Variants in DENND2B observed in about 807,000 individuals in gnomAD.
DENND2B encodes the protein DENN domain containing 2B, also known as DENN domain-containing protein 2B.
A neutral mutation model predicts 116.0 loss-of-function variants in DENND2B; 32 were observed. The ratio of observed to expected loss-of-function variants is 0.28; its 90% CI spans 0.21 to 0.37. DENND2B has a LOEUF of 0.37. Among genes scored for constraint, DENND2B ranks in the 10% least tolerant of loss-of-function variants. The pLI is 1.00. For synonymous variants in DENND2B, 588 were observed against 583.9 expected, an observed-to-expected ratio of 1.01 and a Z score of -0.10; for missense variants, 1,276 against 1,477.7, an observed-to-expected ratio of 0.86 and a Z score of 2.24.
intron 1 of DENND2B, among the ~76,000 whole-genome samples, chr11:8,773,402 T>C (rs1346815159): frequency 2.6e-5 from 4 of 152,180 alleles, no homozygotes; most frequent in Non-Finnish European, 5.9e-5. Context: ...GGGAGGGCTC[T>C]GGCTCCATGC....
intron 1 of DENND2B, among the ~76,000 whole-genome samples, chr11:8,799,557 T>TTC (rs2060130429): frequency 7.5e-6 from 1 of 133,928 alleles, no homozygotes; most frequent in Admixed American, 9.3e-5. Flanking sequence ...ATCCTCCTTT[T>TTC]TCTCTTTTTT....
intron 4 of DENND2B, among the ~76,000 whole-genome samples, chr11:8,826,740 A>C (rs1472443420): frequency 6.6e-6 from 1 of 152,226 alleles, no homozygotes; most frequent in Non-Finnish European, 1.5e-5. Flanking sequence ...AGAAGTTCCT[A>C]ATCTATGCAA....
chr11:8,779,523 T>C (rs2058140205), intron 1 of DENND2B, among the ~76,000 whole-genome samples: 1 of 150,642 alleles, frequency 6.6e-6, no homozygotes, highest in Admixed American at 6.6e-5. Flanking sequence ...TCTTTTTTTT[T>C]TTTTTTGAGA....
At chr11:8,857,386 TTCC>T (rs1190439182) in exon 3 of DENND2B, 2 of 152,208 alleles carry the variant, frequency 1.3e-5, no homozygotes, top group Non-Finnish European at 2.9e-5. Context: ...AGCTTCTAGT[TTCC>T]TCCTCAATTC....
intron 2 of DENND2B, chr11:8,880,943 T>A (rs1448227701): frequency 6.6e-6 from 1 of 152,100 alleles, no homozygotes; most frequent in Admixed American, 6.6e-5. Context: ...TCCAAATGTA[T>A]CTTCATTCCC....
At chr11:8,886,251 A>T (rs1458513632) in intron 1 of DENND2B, among the ~76,000 whole-genome samples, 1 of 152,174 alleles carries the variant, frequency 6.6e-6, no homozygotes, top group Non-Finnish European at 1.5e-5. Flanking sequence ...TATTCTTCTG[A>T]GTACATCTTA....
chr11:8,702,520 G>C lies in DENND2B; in HGVS notation c.2720+52C>G. ...CTCCTGAACACTTGCTGATTCGCTT[G>C]TGGGTGTGCCTTCCCCCCTCCCTTC... is the stretch of plus-strand genomic sequence containing the variant. On this transcript the variant is annotated intron_variant, in intron 14 of 19. Coordinates refer to ENST00000313726, the MANE Select transcript of DENND2B (RefSeq NM_213618.2). The surrounding 1 kb of genome is among the most constrained non-coding windows in gnomAD (Gnocchi z 4.6). The C allele has an allele frequency of 6.2e-7, 1 of 1,603,396 alleles. No homozygotes were observed. The highest frequency in any genetic ancestry group is 8.5e-7 in the Non-Finnish European group (1 of 1,179,390).
At chr11:8,760,323 C>G (rs2054378120) in intron 1 of DENND2B, among the ~76,000 whole-genome samples, 1 of 152,150 alleles carries the variant, frequency 6.6e-6, no homozygotes, top group Non-Finnish European at 1.5e-5. Flanking sequence ...CTTGTAAGTA[C>G]CCAAACCAAG....
intron 1 of DENND2B, among the ~76,000 whole-genome samples, chr11:8,758,743 G>T (rs574945413): frequency 1.3e-5 from 2 of 152,198 alleles, no homozygotes; most frequent in African/African-American, 4.8e-5. Context: ...TAGATGCCGC[G>T]GCTCCCTCCA....
rs2047830749 is a variant in DENND2B, at chr11:8,730,000, G to T, written c.1290C>A (p.Val430=). 1 of 1,614,078 alleles carries T rather than the reference G, an allele frequency of 6.2e-7. No homozygotes were observed. The highest frequency in any genetic ancestry group is 8.5e-7 in the Non-Finnish European group (1 of 1,180,044). The change falls in exon 3 of 20, where the codon GTC becomes GTA. Residue 430 remains valine (V), a synonymous_variant. Coordinates refer to ENST00000313726, the MANE Select transcript of DENND2B (RefSeq NM_213618.2). ...PPLPSTPAPP[V]TRRPKKDMRG... is the part of the protein sequence containing the mutation. ...GCATGTCCTTCTTGGGTCTCCGGGT[G>T]ACTGGCGGGGCTGGGGTGGAGGGCA...
chr11:8,729,935 AG>A lies in DENND2B; in HGVS notation c.1340+14del, dbSNP rs776334445. On this transcript the variant is annotated intron_variant, in intron 3 of 19. Coordinates refer to ENST00000313726, the MANE Select transcript of DENND2B (RefSeq NM_213618.2). ...ACGGTATTCAGCTACAACACACCGG[AG>A]GGGCATGCATTACCTGCTCTGGGAC... 1.3e-5 allele frequency: 21 copies of A among 1,612,722 alleles called. No homozygotes were observed. The South Asian group carries it at 2.2e-4, about 17-fold the overall frequency.
chr11:8,891,596 C>G (rs2064033909), intron 1 of DENND2B, among the ~76,000 whole-genome samples: 1 of 152,070 alleles, frequency 6.6e-6, no homozygotes, highest in African/African-American at 2.4e-5. Flanking sequence ...CAATCCTAGT[C>G]TCTGATAAAA....
At chr11:8,866,546 T>C (rs1485685100) in intron 2 of DENND2B, among the ~76,000 whole-genome samples, 3 of 152,170 alleles carry the variant, frequency 2.0e-5, no homozygotes, top group Non-Finnish European at 4.4e-5. Flanking sequence ...CCACATAACC[T>C]ATAACCAGAG....
intron 1 of DENND2B, among the ~76,000 whole-genome samples, chr11:8,908,212 CA>C (rs1385975916): frequency 1.3e-5 from 2 of 152,050 alleles, no homozygotes; most frequent in Non-Finnish European, 2.9e-5. Flanking sequence ...AAAGTACACA[CA>C]AAAAATTTTT....
At chr11:8,758,528 G>T (rs2054009689) in intron 1 of DENND2B, among the ~76,000 whole-genome samples, 1 of 152,164 alleles carries the variant, frequency 6.6e-6, no homozygotes, top group South Asian at 2.1e-4. Flanking sequence ...GTCATACACT[G>T]GTGGTCTGCA....
intron 2 of DENND2B, among the ~76,000 whole-genome samples, chr11:8,749,708 G>T (rs2051995058): frequency 1.3e-5 from 2 of 152,166 alleles, no homozygotes; most frequent in Admixed American, 6.5e-5. Context: ...GAATGAACTA[G>T]CCCTATCCAA....
chr11:8,828,537 C>T (rs747622168), intron 4 of DENND2B, among the ~76,000 whole-genome samples: 50 of 152,128 alleles, frequency 3.3e-4, no homozygotes, highest in Non-Finnish European at 5.7e-4. Context: ...CTCATCTCTG[C>T]GTTCCTTTCT....
At chr11:8,714,568 AG>A in intron 7 of DENND2B, 41 bp downstream of exon 7, 1 of 1,519,940 alleles carries the variant, frequency 6.6e-7, no homozygotes. Flanking sequence ...CTAATGCCCA[AG>A]GGCCCCAAAC....
intron 4 of DENND2B, among the ~76,000 whole-genome samples, chr11:8,834,297 C>T (rs1239431546): frequency 3.3e-5 from 5 of 152,202 alleles, no homozygotes; most frequent in African/African-American, 9.7e-5. Context: ...CATAGATTAG[C>T]AGCATATGCG....
Sources: allele counts gnomAD v4.1 joint callset (sites outside exome capture counted in the v4.1 genomes callset), GRCh38; gene constraint gnomAD v4.1.1; non-coding constraint Gnocchi (gnomAD v3.1); transcripts MANE v1.5; gene names NCBI Gene and HGNC (gene_info 2026-07-23, HGNC 2026-07-21).